The following IMMP1L variants were observed in gnomAD, a reference collection of about 807,000 sequenced individuals.
The protein encoded by IMMP1L is mitochondrial inner membrane protease subunit 1.
IMMP1L carries 24 observed loss-of-function variants against 21.8 expected under a neutral mutation model. The ratio of observed to expected loss-of-function variants is 1.10; its 90% CI spans 0.80 to 1.55. The LOEUF (loss-of-function observed/expected upper bound fraction) is 1.55. Among genes scored for constraint, IMMP1L ranks in the 40% most tolerant of loss-of-function variants. The pLI, the probability that IMMP1L is intolerant of heterozygous loss-of-function variation, is 0.00. For synonymous variants in IMMP1L, 46 were observed against 62.8 expected, an observed-to-expected ratio of 0.73 and a Z score of 1.26; for missense variants, 195 against 200.7, an observed-to-expected ratio of 0.97 and a Z score of 0.17.
chr11:31,457,052 C>T (rs1297244009), intron 3 of IMMP1L, among the ~76,000 whole-genome samples: 1 of 151,460 alleles, frequency 6.6e-6, no homozygotes, highest in Non-Finnish European at 1.5e-5. Context: ...CTCTAGAGCA[C>T]ACTAAAAAGG....
rs768439612 is a variant in IMMP1L, at chr11:31,432,605, AAGTAATGTTAT to A, written c.433-48_433-38del. Reference sequence around the variant, plus strand: ...AAATGAGGTTGAAGACAATTAGTGAAAGTAATGTTATAGTATCATCATATTCCCTTTTGCTA... The same window carrying A: ...AAATGAGGTTGAAGACAATTAGTGAAAGTATCATCATATTCCCTTTTGCTA... On this transcript the variant is annotated intron_variant, in intron 5 of 5. Transcript: ENST00000532287. 2.9e-6 allele frequency: 4 copies of A among 1,358,038 alleles called. No homozygotes were observed. The East Asian group carries it at 9.2e-5, about 31-fold the overall frequency. The allele number at this position is 1,358,038 out of a possible 1,614,324, so 84.1% of individuals were successfully genotyped here.
chr11:31,486,046 C>CA (rs1350032641), intron 1 of IMMP1L, among the ~76,000 whole-genome samples: 11 of 150,652 alleles, frequency 7.3e-5, no homozygotes, highest in Non-Finnish European at 1.6e-4. Flanking sequence ...AGATGTGAAA[C>CA]TTTTTTTTCC....
intron 4 of IMMP1L, among the ~76,000 whole-genome samples, chr11:31,438,654 C>G (rs557653524): frequency 1.3e-5 from 2 of 152,172 alleles, no homozygotes; most frequent in South Asian, 4.2e-4. Context: ...GGTATGTGAT[C>G]CATTTTGAGA....
chr11:31,445,052 G>T (rs1205316334), intron 4 of IMMP1L, among the ~76,000 whole-genome samples: 4 of 151,862 alleles, frequency 2.6e-5, no homozygotes, highest in Non-Finnish European at 5.9e-5. Flanking sequence ...TTTAAAAAAA[G>T]CACTTTATAT....
intron 1 of IMMP1L, among the ~76,000 whole-genome samples, chr11:31,472,445 A>G (rs1954586198): frequency 6.6e-6 from 1 of 152,228 alleles, no homozygotes. Context: ...TTGGTGACCA[A>G]TGGCCATTGC....
intron 4 of IMMP1L, among the ~76,000 whole-genome samples, chr11:31,441,548 A>C (rs1183816273): frequency 6.6e-6 from 1 of 152,090 alleles, no homozygotes; most frequent in African/African-American, 2.4e-5. Context: ...CTGAAACACA[A>C]CACCTGACTT....
intron 1 of IMMP1L, among the ~76,000 whole-genome samples, chr11:31,488,614 G>T (rs1955156469): frequency 6.6e-6 from 1 of 152,108 alleles, no homozygotes; most frequent in Non-Finnish European, 1.5e-5. Context: ...ACTTCTGCAG[G>T]TCAGCATGAA....
chr11:31,476,929 CACA>C (rs1213888971), intron 1 of IMMP1L, among the ~76,000 whole-genome samples: 3 of 152,146 alleles, frequency 2.0e-5, no homozygotes, highest in Admixed American at 1.3e-4. Context: ...TTTTTAAGCA[CACA>C]ACTAAACCTC....
At chr11:31,438,058 A>G (rs905329429) in intron 4 of IMMP1L, among the ~76,000 whole-genome samples, 8 of 152,140 alleles carry the variant, frequency 5.3e-5, no homozygotes, top group African/African-American at 1.9e-4. Context: ...TACAAGTCTT[A>G]TTTCTTTTCA....
intron 4 of IMMP1L, 91 bp downstream of exon 4, chr11:31,456,169 A>G (rs914598280): frequency 9.0e-6 from 8 of 890,696 alleles, no homozygotes; most frequent in Non-Finnish European, 1.3e-5. Context: ...TTACATTCAA[A>G]ATATGAATAA....
chr11:31,457,628 G>A (rs910259484), intron 3 of IMMP1L, among the ~76,000 whole-genome samples: 7 of 152,114 alleles, frequency 4.6e-5, no homozygotes, highest in Non-Finnish European at 7.4e-5. Flanking sequence ...TGGGAGCCAA[G>A]TCAGAAGAAA....
intron 4 of IMMP1L, among the ~76,000 whole-genome samples, chr11:31,451,158 G>T (rs1466950501): frequency 6.6e-6 from 1 of 152,102 alleles, no homozygotes; most frequent in South Asian, 2.1e-4. Context: ...ATTATGCAGG[G>T]TCTTGCAGGC....
chr11:31,436,861 A>G (rs1317035141), intron 4 of IMMP1L, among the ~76,000 whole-genome samples: 1 of 152,206 alleles, frequency 6.6e-6, no homozygotes, highest in Non-Finnish European at 1.5e-5. Flanking sequence ...ACATTTAGTC[A>G]AGGAAAAAGA....
chr11:31,452,584 A>C, intron 4 of IMMP1L: 1 of 985,570 alleles, frequency 1.0e-6, no homozygotes. Flanking sequence ...AATATACAGA[A>C]AGGCAACATA....
chr11:31,440,725 A>G (rs778855278), intron 4 of IMMP1L, among the ~76,000 whole-genome samples: 9 of 152,158 alleles, frequency 5.9e-5, no homozygotes, highest in Non-Finnish European at 1.0e-4. Flanking sequence ...GCAACAATAT[A>G]AAGAGAATCA....
At chr11:31,471,244 T>C (rs1297318257) in intron 1 of IMMP1L, among the ~76,000 whole-genome samples, 1 of 152,152 alleles carries the variant, frequency 6.6e-6, no homozygotes, top group Non-Finnish European at 1.5e-5. Flanking sequence ...AATTATTAAG[T>C]GTTCAAGAAA....
intron 4 of IMMP1L, chr11:31,452,655 T>C: frequency 1.0e-6 from 1 of 986,554 alleles, no homozygotes; most frequent in Non-Finnish European, 1.2e-6. Context: ...TAATCTCATA[T>C]CTTTACAGTA....
intron 1 of IMMP1L, among the ~76,000 whole-genome samples, chr11:31,483,064 T>C (rs902473952): frequency 6.6e-6 from 1 of 151,944 alleles, no homozygotes; most frequent in Non-Finnish European, 1.5e-5. Flanking sequence ...ACACAAAAAA[T>C]GATACTGTAT....
chr11:31,488,390 T>A (rs2133779308), intron 1 of IMMP1L: 1 of 152,276 alleles, frequency 6.6e-6, no homozygotes, highest in African/African-American at 2.4e-5. Flanking sequence ...AGGAATTTTA[T>A]GACGCTTTGG....
Sources: gnomAD v4.1 joint callset for allele counts (sites outside exome capture counted in the v4.1 genomes callset) on GRCh38, gnomAD v4.1.1 for gene constraint, MANE v1.5 for transcripts, NCBI Gene and HGNC (gene_info 2026-07-23, HGNC 2026-07-21) for gene names.